The following FHIT variants were observed in gnomAD, a reference collection of about 807,000 sequenced individuals.
FHIT encodes the protein bis(5'-adenosyl)-triphosphatase.
Under a neutral mutation model 17.9 loss-of-function variants are expected in FHIT, and 19 were observed. The ratio of observed to expected loss-of-function variants is 1.06; its 90% CI spans 0.74 to 1.56. FHIT has a LOEUF of 1.56. Ranked by LOEUF, FHIT falls within the 40% of genes most tolerant of loss-of-function variation. The pLI, the probability that FHIT is intolerant of heterozygous loss-of-function variation, is 0.00. For synonymous variants in FHIT, 81 were observed against 69.7 expected, an observed-to-expected ratio of 1.16 and a Z score of -0.81; for missense variants, 248 against 189.2, an observed-to-expected ratio of 1.31 and a Z score of -1.82.
At chr3:60,096,793 A>G (rs1395340705) in intron 5 of FHIT, among the ~76,000 whole-genome samples, 1 of 152,196 alleles carries the variant, frequency 6.6e-6, no homozygotes. Context: ...TGGAATGTTT[A>G]CAGAGGAAAT....
intron 4 of FHIT, among the ~76,000 whole-genome samples, chr3:60,592,141 G>T (rs1194705060): frequency 1.3e-5 from 2 of 149,106 alleles, no homozygotes; most frequent in Non-Finnish European, 3.0e-5. Context: ...ACTCCACATT[G>T]TATCAAAATT....
chr3:59,908,738 C>A (rs887730224), intron 8 of FHIT, among the ~76,000 whole-genome samples: 4 of 151,774 alleles, frequency 2.6e-5, no homozygotes, highest in African/African-American at 7.3e-5. Flanking sequence ...CCTGAACTGA[C>A]AGAAACGGCA....
intron 3 of FHIT, among the ~76,000 whole-genome samples, chr3:60,984,079 T>C (rs192304051): frequency 1.3e-5 from 2 of 152,286 alleles, no homozygotes; most frequent in Non-Finnish European, 2.9e-5. Context: ...GAAATCAGCG[T>C]CTGTGGATCT....
chr3:59,855,399 T>C (rs142630593), intron 8 of FHIT, among the ~76,000 whole-genome samples: 1 of 152,220 alleles, frequency 6.6e-6, no homozygotes, highest in Admixed American at 6.5e-5. Flanking sequence ...ATTGCATGTA[T>C]AATTGGTCCT....
chr3:60,607,938 C>T (rs1229192297), intron 4 of FHIT, among the ~76,000 whole-genome samples: 1 of 152,150 alleles, frequency 6.6e-6, no homozygotes, highest in African/African-American at 2.4e-5. Flanking sequence ...TTACCTAATA[C>T]TCAAGCCCCT....
chr3:60,616,914 G>C (rs1553676135), intron 4 of FHIT: 1 of 153,848 alleles, frequency 6.5e-6, no homozygotes, highest in African/African-American at 2.4e-5. Context: ...CAAAATGTTG[G>C]ATGACCTGAT....
At chr3:60,158,942 A>T (rs916143650) in intron 5 of FHIT, among the ~76,000 whole-genome samples, 1 of 152,088 alleles carries the variant, frequency 6.6e-6, no homozygotes, top group African/African-American at 2.4e-5. Context: ...CACTGCAATG[A>T]GCAAAGAACC....
At chr3:60,528,897 T>A (rs1283952803) in intron 5 of FHIT, among the ~76,000 whole-genome samples, 1 of 152,202 alleles carries the variant, frequency 6.6e-6, no homozygotes, top group African/African-American at 2.4e-5. Flanking sequence ...GGAACCACCT[T>A]TGACATTGGT....
At chr3:60,098,344 T>G (rs1704051555) in intron 5 of FHIT, among the ~76,000 whole-genome samples, 2 of 147,894 alleles carry the variant, frequency 1.4e-5, no homozygotes, top group Admixed American at 1.4e-4. Context: ...AGTGTAAAAG[T>G]GTTCCTATTT....
chr3:61,037,385 G>C lies in FHIT; in HGVS notation c.-111+4662C>G, dbSNP rs146761215. 2.6e-5 allele frequency among the ~76,000 whole-genome samples: 4 copies of C among 152,254 alleles called. No homozygotes were observed. In the East Asian group the frequency reaches 7.7e-4, roughly 29 times the overall value. The stretch of plus-strand genomic sequence containing the variant: ...CAACTGTAAAGCAAGAAAAATAATA[G>C]TGTTTCCCAAAGCCTGGCACATATA... On this transcript the variant is annotated intron_variant, in intron 3 of 9. Transcript: ENST00000492590.
chr3:61,176,653 G>A (rs2038164479), intron 2 of FHIT, among the ~76,000 whole-genome samples: 1 of 152,046 alleles, frequency 6.6e-6, no homozygotes, highest in African/African-American at 2.4e-5. Flanking sequence ...CCAACTAAAC[G>A]TCTTCTCCAG....
intron 8 of FHIT, among the ~76,000 whole-genome samples, chr3:59,908,258 A>T (rs1704677870): frequency 6.6e-6 from 1 of 152,250 alleles, no homozygotes; most frequent in Non-Finnish European, 1.5e-5. Flanking sequence ...GAATTCTGGT[A>T]GTACACAGCT....
chr3:60,556,671 C>T (rs1377978190), intron 4 of FHIT, among the ~76,000 whole-genome samples: 5 of 152,164 alleles, frequency 3.3e-5, no homozygotes, highest in Admixed American at 6.5e-5. Flanking sequence ...GCTCAGAAAA[C>T]GGTTAGGCAA....
In FHIT at chr3:59,855,786, G is replaced by GTT. The variant is rs67545645; in HGVS notation, c.348+66558_348+66559dup. On this transcript the variant is annotated intron_variant, in intron 8 of 9. Coordinates refer to ENST00000492590, the MANE Select transcript of FHIT (RefSeq NM_002012.4). ...ATAATTAATAGATAAACCTTTTTTT[G>GTT]TTTTTTTTTTTTGAGACGGAGTCTT... 2.5e-3 allele frequency among the ~76,000 whole-genome samples: 367 copies of GTT among 144,628 alleles called. 2 individuals are homozygous for GTT. The highest frequency in any genetic ancestry group is 3.6e-3 in the Non-Finnish European group (236 of 65,750). 94.9% of individuals were successfully genotyped at this position (144,628 alleles called of 152,430 possible).
Position 59,922,392 on chromosome 3 carries a change from G to A in FHIT, c.302C>T (p.Pro101Leu), listed in dbSNP as rs1705448831. Residue 101 changes from proline (P) to leucine (L), a missense_variant, in exon 8 of 10, where the codon CCC becomes CTC. Transcript: ENST00000492590. ...TVKHVHVHVL[P>L]RKAGDFHRND... is the part of the protein sequence containing the mutation. ...CCTGTGAAAGTCTCCAGCCTTCCTGGGAAGAACATGGACGTGAACGTGCTG... is the reference window on the plus strand; with the variant it reads ...CCTGTGAAAGTCTCCAGCCTTCCTGAGAAGAACATGGACGTGAACGTGCTG... The A allele has an allele frequency of 1.9e-6, 3 of 1,613,642 alleles. No homozygotes were observed. The African/African-American group carries it at 4.0e-5, about 22-fold the overall frequency.
intron 4 of FHIT, among the ~76,000 whole-genome samples, chr3:60,638,131 T>G (rs540434681): frequency 6.6e-6 from 1 of 152,286 alleles, no homozygotes; most frequent in African/African-American, 2.4e-5. Context: ...GGACACCAAC[T>G]TATGATTTAG....
intron 5 of FHIT, among the ~76,000 whole-genome samples, chr3:60,418,668 C>T (rs950655892): frequency 1.4e-5 from 2 of 147,450 alleles, no homozygotes; most frequent in Non-Finnish European, 3.0e-5. Flanking sequence ...AAAGTAAATC[C>T]ACTAACAATT....
At chr3:60,354,035 T>C (rs1025978158) in intron 5 of FHIT, among the ~76,000 whole-genome samples, 2 of 152,090 alleles carry the variant, frequency 1.3e-5, no homozygotes, top group African/African-American at 4.8e-5. Flanking sequence ...TCTATCACGA[T>C]GATGGGCTGG....
At chr3:60,390,415 A>C (rs1015406077) in intron 5 of FHIT, among the ~76,000 whole-genome samples, 18 of 128,848 alleles carry the variant, frequency 1.4e-4, no homozygotes, top group South Asian at 1.1e-3. Flanking sequence ...AAAAAAAAAA[A>C]AAAAAAAAAA....
Sources: allele counts gnomAD v4.1 joint callset (sites outside exome capture counted in the v4.1 genomes callset), GRCh38; gene constraint gnomAD v4.1.1; transcripts MANE v1.5; gene names NCBI Gene and HGNC (gene_info 2026-07-23, HGNC 2026-07-21).